PLCL1: variants seen among roughly 807,000 people sequenced by gnomAD.
The protein encoded by PLCL1 is inactive phospholipase C-like protein 1.
In PLCL1, 41 loss-of-function variants were observed where a neutral mutation model predicts 84.4. That is an observed-to-expected ratio of 0.49 (90% CI 0.38 to 0.63). The LOEUF (loss-of-function observed/expected upper bound fraction) is 0.63, where lower values mean the gene tolerates loss of function less well. PLCL1 is among the 30% of genes least tolerant of loss of function. PLCL1 has a pLI of 0.00. For missense variants in PLCL1, 1,206 were observed against 1,367.8 expected (o/e 0.88, Z 1.87); for synonymous variants, 490 against 488.3 (o/e 1.00, Z -0.05).
At chr2:198,010,994 C>A (rs1227155796) in intron 1 of PLCL1, among the ~76,000 whole-genome samples, 1 of 151,518 alleles carries the variant, frequency 6.6e-6, no homozygotes, top group Non-Finnish European at 1.5e-5. Flanking sequence ...CTAATTTTAG[C>A]CATAGAGTCT....
At chr2:197,818,551 T>C (rs1164368648) in intron 1 of PLCL1, among the ~76,000 whole-genome samples, 1 of 152,106 alleles carries the variant, frequency 6.6e-6, no homozygotes, top group Non-Finnish European at 1.5e-5. Context: ...TTTGCTTGTT[T>C]TGAGATGGTG....
chr2:197,927,419 C>G (rs1015855541), intron 1 of PLCL1, among the ~76,000 whole-genome samples: 6 of 152,172 alleles, frequency 3.9e-5, no homozygotes, highest in African/African-American at 1.4e-4. Context: ...TGCTTCATAT[C>G]TCTTTCCTTT....
At position 198,143,478 on chromosome 2, in the gene PLCL1, C is replaced by T. The variant is rs942055983; in HGVS notation, c.3106-3302C>T. ...AATATATTTTGGAGGAAATGATACA[C>T]AGGACAAAGACGTTTAGAGGGAGAT... On this transcript the variant is annotated intron_variant, in intron 5 of 5. Coordinates refer to ENST00000428675, the MANE Select transcript of PLCL1 (RefSeq NM_006226.4). Among the ~76,000 whole-genome samples the T allele has an allele frequency of 4.6e-5, 7 of 152,118 alleles. No individual in the cohort carries two copies. In the East Asian group the frequency reaches 7.7e-4, roughly 17 times the overall value.
chr2:197,992,649 T>G, intron 1 of PLCL1, among the ~76,000 whole-genome samples: 1 of 152,188 alleles, frequency 6.6e-6, no homozygotes, highest in East Asian at 1.9e-4. Flanking sequence ...TCTTCAGAAC[T>G]TTTTCATTTC....
At chr2:198,094,001 T>C (rs1423593398) in intron 3 of PLCL1, among the ~76,000 whole-genome samples, 1 of 152,220 alleles carries the variant, frequency 6.6e-6, no homozygotes, top group Admixed American at 6.5e-5. Context: ...AGTCATTAAA[T>C]ATTTGAAAAT....
intron 1 of PLCL1, among the ~76,000 whole-genome samples, chr2:197,937,699 T>C (rs1438429329): frequency 6.6e-6 from 1 of 152,174 alleles, no homozygotes; most frequent in Non-Finnish European, 1.5e-5. Flanking sequence ...AAATAAACCT[T>C]AGACATAGAA....
At chr2:198,026,614 TA>T (rs1691271260) in intron 1 of PLCL1, among the ~76,000 whole-genome samples, 2 of 152,110 alleles carry the variant, frequency 1.3e-5, no homozygotes, top group Admixed American at 1.3e-4. Context: ...GTAATTCTCT[TA>T]AAAATATCCA....
At chr2:197,979,856 C>A (rs1290402959) in intron 1 of PLCL1, among the ~76,000 whole-genome samples, 1 of 152,224 alleles carries the variant, frequency 6.6e-6, no homozygotes, top group Non-Finnish European at 1.5e-5. Flanking sequence ...TGGTGCCTTT[C>A]CCTACTTCCT....
chr2:197,934,679 A>G (rs1013894019), intron 1 of PLCL1, among the ~76,000 whole-genome samples: 2 of 152,166 alleles, frequency 1.3e-5, no homozygotes, highest in African/African-American at 2.4e-5. Flanking sequence ...AAAATTGTAT[A>G]TATTTATGGT....
chr2:197,941,106 A>T (rs1689150253), intron 1 of PLCL1, among the ~76,000 whole-genome samples: 1 of 152,188 alleles, frequency 6.6e-6, no homozygotes, highest in Admixed American at 6.5e-5. Flanking sequence ...CTGAGATTAA[A>T]CTAGACATCT....
At chr2:198,040,986 G>C (rs1357246700) in intron 1 of PLCL1, among the ~76,000 whole-genome samples, 1 of 152,148 alleles carries the variant, frequency 6.6e-6, no homozygotes, top group African/African-American at 2.4e-5. Flanking sequence ...TGGCCAATGG[G>C]GGGTTGGGGG....
chr2:197,913,859 AG>A (rs1306668431), intron 1 of PLCL1, among the ~76,000 whole-genome samples: 3 of 152,110 alleles, frequency 2.0e-5, no homozygotes, highest in Non-Finnish European at 4.4e-5. Flanking sequence ...TTTTCATAAA[AG>A]GGTAGGGAAT....
At chr2:197,931,675 A>ACCCC (rs1559048801) in intron 1 of PLCL1, among the ~76,000 whole-genome samples, 2 of 90,676 alleles carry the variant, frequency 2.2e-5, no homozygotes, top group Non-Finnish European at 2.3e-5. Flanking sequence ...CAACCAACCA[A>ACCCC]CCACCCACCC....
At chr2:198,127,641 T>C (rs1297279190) in intron 5 of PLCL1, among the ~76,000 whole-genome samples, 1 of 152,220 alleles carries the variant, frequency 6.6e-6, no homozygotes, top group Non-Finnish European at 1.5e-5. Flanking sequence ...AGGTTGGGGA[T>C]ACACCAATGT....
At chr2:198,017,991 C>A (rs1241748579) in intron 1 of PLCL1, among the ~76,000 whole-genome samples, 1 of 152,172 alleles carries the variant, frequency 6.6e-6, no homozygotes, top group African/African-American at 2.4e-5. Context: ...GTGAGACCAA[C>A]ACAGAAGGCG....
chr2:197,841,523 A>G (rs1328948434), intron 1 of PLCL1, among the ~76,000 whole-genome samples: 2 of 152,274 alleles, frequency 1.3e-5, no homozygotes, highest in Admixed American at 6.5e-5. Flanking sequence ...AAGTTCCTCC[A>G]TGTCTTTTTG....
chr2:198,124,283 G>A (rs1019543371), intron 5 of PLCL1, among the ~76,000 whole-genome samples: 5 of 151,980 alleles, frequency 3.3e-5, no homozygotes, highest in African/African-American at 1.2e-4. Context: ...TACTCCACTG[G>A]CTTCTGCCTT....
chr2:197,942,575 A>G (rs1050198360), intron 1 of PLCL1, among the ~76,000 whole-genome samples: 4 of 152,250 alleles, frequency 2.6e-5, no homozygotes, highest in Admixed American at 2.0e-4. Context: ...TATGACGAGA[A>G]CTATGAAAGG....
At chr2:198,102,949 T>TA (rs1693381049) in intron 4 of PLCL1, among the ~76,000 whole-genome samples, 1 of 152,072 alleles carries the variant, frequency 6.6e-6, no homozygotes, top group African/African-American at 2.4e-5. Context: ...ATGGTTTTCA[T>TA]AATCTTCAAG....
Sources: gnomAD v4.1 joint callset for allele counts (sites outside exome capture counted in the v4.1 genomes callset) on GRCh38, gnomAD v4.1.1 for gene constraint, MANE v1.5 for transcripts, NCBI Gene and HGNC (gene_info 2026-07-23, HGNC 2026-07-21) for gene names.